ZKSCAN4: variants seen among roughly 807,000 people sequenced by gnomAD.
ZKSCAN4 encodes the protein zinc finger protein with KRAB and SCAN domains 4.
A neutral mutation model predicts 30.8 loss-of-function variants in ZKSCAN4; 23 were observed. That is an observed-to-expected ratio of 0.75 (90% confidence interval 0.54 to 1.06). The LOEUF is 1.06. ZKSCAN4 is among the 50% of genes least tolerant of loss of function. The pLI is 0.00. For missense variants in ZKSCAN4, 556 were observed against 665.4 expected (o/e 0.84, Z 1.81); for synonymous variants, 208 against 252.5 (o/e 0.82, Z 1.67).
chr6:28,244,907 C>T lies in ZKSCAN4; in HGVS notation c.*209G>A. The T allele has an allele frequency of 4.3e-6, 3 of 693,124 alleles. No individual in the cohort carries two copies. The South Asian group carries it at 4.8e-5, about 11-fold the overall frequency. 42.9% of individuals were successfully genotyped at this position (693,124 alleles called of 1,614,324 possible). A position where few individuals can be genotyped will look rare whatever the true frequency, so the allele number is the denominator to read the frequency against. ...GGTCCTACAACTTCCAGACCACTCT[C>T]CCATGGCCTCTTATCAAATGACTTC... On this transcript the variant is annotated 3_prime_UTR_variant, in exon 5 of 5. Coordinates refer to ENST00000377294, the MANE Select transcript of ZKSCAN4 (RefSeq NM_019110.5).
At chr6:28,247,974 G>C (rs2113680799) in intron 3 of ZKSCAN4, 93 bp downstream of exon 3, 1 of 782,600 alleles carries the variant, frequency 1.3e-6, no homozygotes, top group Admixed American at 2.8e-5. Flanking sequence ...TAGGATAGGG[G>C]TGGGGTAGGA....
upstream of ZKSCAN4, among the ~76,000 whole-genome samples, chr6:28,252,500 T>G (rs1287027339): frequency 6.6e-6 from 1 of 152,050 alleles, no homozygotes; most frequent in Admixed American, 6.5e-5. Context: ...TTCTTTCCTA[T>G]GTAAAGCTTG....
chr6:28,245,075 C>G lies in ZKSCAN4; in HGVS notation c.*41G>C. ...TAAGGGCTCCAGGGTGGCTTCAGTT[C>G]AGTGACAAATGAGCACCAATGTTGG... On this transcript the variant is annotated 3_prime_UTR_variant, in exon 5 of 5. Transcript: ENST00000377294. 2 of 1,613,870 alleles carry G rather than the reference C, an allele frequency of 1.2e-6. No homozygotes were observed. The highest frequency in any genetic ancestry group is 1.7e-6 in the Non-Finnish European group (2 of 1,179,970).
chr6:28,244,928 A>T lies in ZKSCAN4; in HGVS notation c.*188T>A. 1 of 786,502 alleles carries T rather than the reference A, an allele frequency of 1.3e-6. No homozygotes were observed. The highest frequency in any genetic ancestry group is 2.1e-6 in the Non-Finnish European group (1 of 468,542). 48.7% of individuals were successfully genotyped at this position (786,502 alleles called of 1,614,324 possible). A position where few individuals can be genotyped will look rare whatever the true frequency, so the allele number is the denominator to read the frequency against. On this transcript the variant is annotated 3_prime_UTR_variant, in exon 5 of 5. Coordinates refer to ENST00000377294, the MANE Select transcript of ZKSCAN4 (RefSeq NM_019110.5). ...CTCTCCCATGGCCTCTTATCAAATG[A>T]CTTCTTCCAATCACTTTCTAGAATG...
At position 28,244,964 on chromosome 6, in the gene ZKSCAN4, CTCA is replaced by C. The variant is rs1476330675; in HGVS notation, c.*149_*151del. ...TCACTTTCTAGAATGTAGAAGATAA[CTCA>C]TCGTCTCAGCCAGACTACATTTTCT... On this transcript the variant is annotated 3_prime_UTR_variant, in exon 5 of 5. Transcript: ENST00000377294. 6 of 966,236 alleles carry C rather than the reference CTCA, an allele frequency of 6.2e-6. No individual in the cohort carries two copies. The highest frequency in any genetic ancestry group is 9.8e-6 in the Non-Finnish European group (6 of 609,158). The allele number at this position is 966,236 out of a possible 1,614,324, so 59.9% of individuals were successfully genotyped here. A position where few individuals can be genotyped will look rare whatever the true frequency, so the allele number is the denominator to read the frequency against.
In ZKSCAN4 at chr6:28,242,414, T is replaced by G; in HGVS notation, c.*2702A>C. Among the ~76,000 whole-genome samples, 1 of 152,312 alleles carries G rather than the reference T, an allele frequency of 6.6e-6. No homozygotes were observed. Among genetic ancestry groups the G allele is most frequent in the African/African-American group, 2.4e-5 (1 of 41,556 alleles). On this transcript the variant is annotated 3_prime_UTR_variant, in exon 5 of 5. Transcript: ENST00000377294. ...TATTATATAATACACCAGATAAAGT[T>G]TCCTAGATAATATTTTGATTATAAA...
the ZKSCAN4 span, among the ~76,000 whole-genome samples, chr6:28,258,741 C>T: frequency 6.8e-6 from 1 of 146,960 alleles, no homozygotes; most frequent in East Asian, 2.0e-4. Context: ...GCACCCCAAC[C>T]TGGGCGACAG....
In ZKSCAN4 at chr6:28,242,756, TAC is replaced by T. The variant is rs3085840; in HGVS notation, c.*2358_*2359del. The stretch of plus-strand genomic sequence containing the variant: ...CTAAAGACCTAAGCCTAAGTGTGTA[TAC>T]ACACACACACACACACACACAAATA... On this transcript the variant is annotated 3_prime_UTR_variant, in exon 5 of 5. Transcript: ENST00000377294. Among the ~76,000 whole-genome samples, 30,939 of 149,956 alleles carry T rather than the reference TAC, an allele frequency of 0.21. 3,526 individuals carry two copies. The highest frequency in any genetic ancestry group is 0.31 in the African/African-American group (12,553 of 41,000).
chr6:28,249,646 GA>G lies in ZKSCAN4; in HGVS notation c.571+40del. 6.3e-7 allele frequency: 1 copy of G among 1,586,822 alleles called. No homozygotes were observed. The highest frequency in any genetic ancestry group is 8.6e-7 in the Non-Finnish European group (1 of 1,165,844). ...AGGTGATCCTTAAATGAAATTGGAT[GA>G]AGTCTATAGAATTCATACAACCCAG... On this transcript the variant is annotated intron_variant, in intron 2 of 4. Transcript: ENST00000377294. The surrounding 1 kb of genome is among the most constrained non-coding windows in gnomAD (Gnocchi z 4.1).
the ZKSCAN4 span, among the ~76,000 whole-genome samples, chr6:28,258,768 CA>C: frequency 0.11 from 14,974 of 142,300 alleles, 829 homozygotes; most frequent in Non-Finnish European, 0.13. Flanking sequence ...ATCCTGTCTC[CA>C]AAAAAAAAAA....
At chr6:28,247,872 A>T (rs1413424235) in intron 3 of ZKSCAN4, among the ~76,000 whole-genome samples, 195 bp downstream of exon 3, 1 of 152,252 alleles carries the variant, frequency 6.6e-6, no homozygotes, top group Middle Eastern at 3.2e-3. Context: ...TTGTTGTGAA[A>T]CAGGAAAGTC....
rs1760607258 is a variant in ZKSCAN4 at position 28,244,193 on chromosome 6, T to C, written c.*923A>G. Among the ~76,000 whole-genome samples, 1 of 152,160 alleles carries C rather than the reference T, an allele frequency of 6.6e-6. No homozygotes were observed. The highest frequency in any genetic ancestry group is 2.4e-5 in the African/African-American group (1 of 41,410). ...GGGAAGAGGGACACAGATGACGTCT[T>C]AGCACTTGGTCGGCCCAAGATAACT... On this transcript the variant is annotated 3_prime_UTR_variant, in exon 5 of 5. Coordinates refer to ENST00000377294, the MANE Select transcript of ZKSCAN4 (RefSeq NM_019110.5).
intron 2 of ZKSCAN4, 69 bp from the exon 3 acceptor site, chr6:28,248,218 G>T: frequency 1.6e-6 from 2 of 1,216,120 alleles, no homozygotes; most frequent in Non-Finnish European, 2.4e-6. Context: ...CAAAATCCAA[G>T]TTCAAAAACT....
intron 1 of ZKSCAN4, among the ~76,000 whole-genome samples, chr6:28,250,716 T>C (rs1213107675): frequency 6.6e-6 from 1 of 152,216 alleles, no homozygotes. Flanking sequence ...GATAGTTAAA[T>C]TACAGTTTTC....
Position 28,251,959 on chromosome 6 carries a change from T to C in ZKSCAN4, c.22A>G (p.Asn8Asp). The change falls in exon 1 of 5, where the codon AAC becomes GAC. Residue 8 changes from asparagine to aspartate, a missense_variant. Asn to Asp is a conservative substitution (Grantham distance 23). This residue lies in a region of ZKSCAN4 where 115 missense variants were observed against 125.9 expected (regional missense o/e 0.91). Transcript: ENST00000377294. This position sits in a 1 kb window ranked among gnomAD's most constrained non-coding sequence, Gnocchi z 4.5. MAREPRK[N>D]AALDAQSAED... ...GCAGACTGGGCGTCCAGGGCTGCGTTTTTTCTCGGTTCTCTAGCCATTCTG... is the reference window on the plus strand; with the variant it reads ...GCAGACTGGGCGTCCAGGGCTGCGTCTTTTCTCGGTTCTCTAGCCATTCTG... 2 of 1,520,264 alleles carry C rather than the reference T, an allele frequency of 1.3e-6. No individual in the cohort carries two copies. The highest frequency in any genetic ancestry group is 1.8e-6 in the Non-Finnish European group (2 of 1,138,558). The allele number at this position is 1,520,264 out of a possible 1,614,324, so 94.2% of individuals were successfully genotyped here.
intron 4 of ZKSCAN4, 115 bp from the exon 5 acceptor site, chr6:28,246,090 A>G: frequency 7.2e-7 from 1 of 1,380,566 alleles, no homozygotes; most frequent in Non-Finnish European, 1.0e-6. Context: ...CAGGATGAGG[A>G]TTTAAGTGCT....
chr6:28,249,661 C>T lies in ZKSCAN4; in HGVS notation c.571+26G>A. On this transcript the variant is annotated intron_variant, in intron 2 of 4. Coordinates refer to ENST00000377294, the MANE Select transcript of ZKSCAN4 (RefSeq NM_019110.5). This position sits in a 1 kb window ranked among gnomAD's most constrained non-coding sequence, Gnocchi z 4.1. ...GAAATTGGATGAAGTCTATAGAATTCATACAACCCAGAAGAGAATACTCAC... is the reference window on the plus strand; with the variant it reads ...GAAATTGGATGAAGTCTATAGAATTTATACAACCCAGAAGAGAATACTCAC... The T allele has an allele frequency of 6.2e-7, 1 of 1,602,974 alleles. No homozygotes were observed. The highest frequency in any genetic ancestry group is 8.5e-7 in the Non-Finnish European group (1 of 1,175,186).
At chr6:28,254,134 A>G (rs544127982), upstream of ZKSCAN4, among the ~76,000 whole-genome samples, 91 of 152,348 alleles carry the variant, frequency 6.0e-4, no homozygotes, top group African/African-American at 2.1e-3. Flanking sequence ...CCCAGGGAAG[A>G]GTTCAAGGGC....
At position 28,251,543 on chromosome 6, in the gene ZKSCAN4, A is replaced by G. The variant is rs1441567565; in HGVS notation, c.423+15T>C. On this transcript the variant is annotated intron_variant, in intron 1 of 4. Transcript: ENST00000377294. This position sits in a 1 kb window ranked among gnomAD's most constrained non-coding sequence, Gnocchi z 4.5. The stretch of plus-strand genomic sequence containing the variant: ...ACAGACCACAGCGCTCAGATACTAA[A>G]CCTGTTCTTTCTACCTGCGGCGCCG... 6.2e-7 allele frequency: 1 copy of G among 1,613,904 alleles called. No individual in the cohort carries two copies. The highest frequency in any genetic ancestry group is 8.5e-7 in the Non-Finnish European group (1 of 1,179,996).
Sources: gnomAD v4.1 joint callset for allele counts (sites outside exome capture counted in the v4.1 genomes callset) on GRCh38, gnomAD v4.1.1 for gene constraint, gnomAD v4.1.1 regional missense constraint, Gnocchi (gnomAD v3.1) non-coding constraint, MANE v1.5 for transcripts, NCBI Gene and HGNC (gene_info 2026-07-23, HGNC 2026-07-21) for gene names.